The following PXDNL variants were observed in gnomAD, a reference collection of about 807,000 sequenced individuals.
PXDNL encodes peroxidasin like.
PXDNL carries 145 observed loss-of-function variants against 150.8 expected under a neutral mutation model. The observed-to-expected ratio is 0.96, with a 90% CI of 0.84 to 1.10. The LOEUF is 1.10. PXDNL is among the 50% of genes least tolerant of loss of function. The pLI is 0.00. For synonymous variants in PXDNL, 757 were observed against 725.7 expected (o/e 1.04, Z -0.69); for missense variants, 2,087 against 1,873.9 (o/e 1.11, Z -2.10).
intron 2 of PXDNL, among the ~76,000 whole-genome samples, chr8:51,598,998 T>C (rs1053304111): frequency 1.3e-5 from 2 of 152,200 alleles, no homozygotes; most frequent in South Asian, 2.1e-4. Context: ...ATCAATTTCC[T>C]CTAGATTTTC....
chr8:51,431,469 G>A (rs1048704368), intron 12 of PXDNL, among the ~76,000 whole-genome samples: 1 of 152,130 alleles, frequency 6.6e-6, no homozygotes, highest in Admixed American at 6.5e-5. Context: ...GTATGAAACT[G>A]CCTTTGTTCA....
rs533194863 is a variant in PXDNL, at chr8:51,368,018, C to T, written c.3901+3855G>A. On this transcript the variant is annotated intron_variant, in intron 19 of 22. Transcript: ENST00000356297. ...TGGCGCAGGCCTGTAATCCCAGCTA[C>T]TTGGGAGGCTGAGGCAGGAGAATCA... Among the ~76,000 whole-genome samples, 3 of 152,278 alleles carry T rather than the reference C, an allele frequency of 2.0e-5. No individual in the cohort carries two copies. The South Asian group carries it at 6.2e-4, about 32-fold the overall frequency.
chr8:51,774,539 C>T (rs1250054163), intron 1 of PXDNL, among the ~76,000 whole-genome samples: 3 of 152,194 alleles, frequency 2.0e-5, no homozygotes, highest in African/African-American at 7.2e-5. Flanking sequence ...AATTAGGGGG[C>T]TGAGCACAGT....
chr8:51,378,629 C>G (rs1807429663), intron 17 of PXDNL, among the ~76,000 whole-genome samples: 1 of 152,240 alleles, frequency 6.6e-6, no homozygotes, highest in South Asian at 2.1e-4. Context: ...GCTGCTCACT[C>G]TTTGGGTGTG....
intron 1 of PXDNL, among the ~76,000 whole-genome samples, chr8:51,763,263 A>G (rs2037184467): frequency 6.6e-6 from 1 of 151,816 alleles, no homozygotes; most frequent in Admixed American, 6.6e-5. Context: ...GTTGTCGTGC[A>G]TGTATATATA....
At position 51,413,205 on chromosome 8, in the gene PXDNL, C is replaced by A. The variant is rs761405633; in HGVS notation, c.1849G>T (p.Ala617Ser). The change falls in exon 15 of 23, where the codon GCT (alanine) becomes TCT (serine). Residue 617 changes from alanine to serine, a missense_variant. Coordinates refer to ENST00000356297, the MANE Select transcript of PXDNL (RefSeq NM_144651.5). Reference sequence around the variant, plus strand: ...ATTGCACTGTCAACTCTCTGTACAGCATCAAGAATGGAAGATTCAACAAAG... The same window carrying A: ...ATTGCACTGTCAACTCTCTGTACAGAATCAAGAATGGAAGATTCAACAAAG... The part of the protein sequence containing the change: ...DDFVESSILD[A>S]VQRVDSAINS... 6 of 1,612,962 alleles carry A rather than the reference C, an allele frequency of 3.7e-6. No homozygotes were observed. The highest frequency in any genetic ancestry group is 4.2e-6 in the Non-Finnish European group (5 of 1,179,084).
intron 19 of PXDNL, among the ~76,000 whole-genome samples, chr8:51,350,797 C>T (rs1806329513): frequency 6.6e-6 from 1 of 152,258 alleles, no homozygotes; most frequent in Middle Eastern, 3.4e-3. Context: ...GCAGCCTGAC[C>T]TTTCAGACTG....
chr8:51,796,493 T>G (rs4587317), intron 1 of PXDNL, among the ~76,000 whole-genome samples: 77,093 of 151,886 alleles, frequency 0.51, 23,665 homozygotes, highest in Non-Finnish European at 0.68. Context: ...AAAGGGGTTA[T>G]CACCACTGAC....
At chr8:51,613,557 C>T (rs981454834) in intron 2 of PXDNL, among the ~76,000 whole-genome samples, 2 of 151,904 alleles carry the variant, frequency 1.3e-5, no homozygotes, top group African/African-American at 2.4e-5. Flanking sequence ...ATGGAGTGAT[C>T]ATTACTACCA....
chr8:51,765,752 A>G (rs1408113051), intron 1 of PXDNL, among the ~76,000 whole-genome samples: 2 of 151,878 alleles, frequency 1.3e-5, no homozygotes, highest in Admixed American at 6.6e-5. Flanking sequence ...TTTGTTTTCT[A>G]TATTTATATC....
chr8:51,566,270 G>A (rs551583133), intron 3 of PXDNL, among the ~76,000 whole-genome samples: 37 of 151,764 alleles, frequency 2.4e-4, no homozygotes, highest in African/African-American at 7.0e-4. Flanking sequence ...ATATTTTTCT[G>A]GTTTTGGTAT....
intron 2 of PXDNL, among the ~76,000 whole-genome samples, chr8:51,601,393 T>A (rs1021144568): frequency 1.3e-5 from 2 of 152,116 alleles, no homozygotes; most frequent in African/African-American, 4.8e-5. Flanking sequence ...TTTATAAGTC[T>A]GGGTGCTCCA....
At position 51,433,830 on chromosome 8, in the gene PXDNL, T is replaced by G. The variant is rs888449247; in HGVS notation, c.1526-7072A>C. Among the ~76,000 whole-genome samples, 4 of 152,314 alleles carry G rather than the reference T, an allele frequency of 2.6e-5. No individual in the cohort carries two copies. The South Asian group carries it at 8.3e-4, about 32-fold the overall frequency. On this transcript the variant is annotated intron_variant, in intron 12 of 22. Transcript: ENST00000356297. ...TATAAGAATATTATAAAACTTTAAC[T>G]TCAATAAACATTTTTCCAACATATA...
intron 1 of PXDNL, among the ~76,000 whole-genome samples, chr8:51,738,843 C>T (rs1295224746): frequency 6.6e-6 from 1 of 152,134 alleles, no homozygotes; most frequent in Non-Finnish European, 1.5e-5. Context: ...TACACAATCT[C>T]TTCCAAGAAA....
rs1809962696 is a variant in PXDNL at position 51,457,537 on chromosome 8, T to C, written c.943A>G (p.Lys315Glu). The change falls in exon 9 of 23, where the codon AAG becomes GAG. Residue 315 changes from lysine (K) to glutamate (E), a missense_variant. Coordinates refer to ENST00000356297, the MANE Select transcript of PXDNL (RefSeq NM_144651.5). ...TATCTGAGCATGGCACTCTGTGTCT[T>C]GGCTTCCCCAGCGGAATTTCTGGCC... ...CMARNSAGEA[K>E]TQSAMLRYSS... 1 of 1,613,716 alleles carries C rather than the reference T, an allele frequency of 6.2e-7. No individual in the cohort carries two copies. Among genetic ancestry groups the C allele is most frequent in the East Asian group, 2.2e-5 (1 of 44,862 alleles).
At chr8:51,597,568 T>C (rs952164121) in intron 2 of PXDNL, among the ~76,000 whole-genome samples, 1 of 152,134 alleles carries the variant, frequency 6.6e-6, no homozygotes, top group Non-Finnish European at 1.5e-5. Context: ...TTGTGTCATC[T>C]GTGATTTCTT....
Position 51,501,102 on chromosome 8 carries a change from T to C in PXDNL, c.381-1332A>G, listed in dbSNP as rs1207974956. Among the ~76,000 whole-genome samples the C allele has an allele frequency of 3.3e-5, 5 of 152,314 alleles. No homozygotes were observed. The East Asian group carries it at 9.6e-4, about 29-fold the overall frequency. ...ATCCAGAAGCAGTGCCACACTGTACTACTCTCTGAAATTCAGCATCCTGGC... is the reference window on the plus strand; with the variant it reads ...ATCCAGAAGCAGTGCCACACTGTACCACTCTCTGAAATTCAGCATCCTGGC... On this transcript the variant is annotated intron_variant, in intron 4 of 22. Coordinates refer to ENST00000356297, the MANE Select transcript of PXDNL (RefSeq NM_144651.5).
chr8:51,319,942 A>T lies in PXDNL; in HGVS notation c.4341T>A (p.Cys1447Ter). 6.3e-7 allele frequency: 1 copy of T among 1,578,812 alleles called. No individual in the cohort carries two copies. Among genetic ancestry groups the T allele is most frequent in the South Asian group, 1.2e-5 (1 of 85,510 alleles). ...GCATTCCTCGGTCTCTGCAAACTGG[A>T]CAGCAGGTTCCTTTCACCAATTCAG... The part of the protein sequence containing the change: ...PSPELVKGTC[C>*]PVCRDRGMPS... The change falls in exon 23 of 23, where the codon TGT (cysteine) becomes TGA (stop). Residue 1447 changes from cysteine (C) to a stop codon, truncating the protein, a stop_gained. Transcript: ENST00000356297. LOFTEE classifies it low-confidence loss of function (END_TRUNC).
chr8:51,796,063 T>C (rs994779193), intron 1 of PXDNL, among the ~76,000 whole-genome samples: 1 of 152,288 alleles, frequency 6.6e-6, no homozygotes, highest in Admixed American at 6.5e-5. Flanking sequence ...GCTATAATCC[T>C]TACTAAAGCT....
Sources: allele counts gnomAD v4.1 joint callset (sites outside exome capture counted in the v4.1 genomes callset), GRCh38; gene constraint gnomAD v4.1.1; transcripts MANE v1.5; gene names NCBI Gene and HGNC (gene_info 2026-07-23, HGNC 2026-07-21).